Variants in PARD3B observed in about 807,000 individuals in gnomAD.
PARD3B encodes the protein par-3 family cell polarity regulator beta, also known as partitioning defective 3 homolog B.
A neutral mutation model predicts 130.2 loss-of-function variants in PARD3B; 103 were observed. The ratio of observed to expected loss-of-function variants is 0.79; its 90% confidence interval spans 0.67 to 0.93. PARD3B has a LOEUF of 0.93. PARD3B is among the 40% of genes least tolerant of loss of function. The probability of loss-of-function intolerance (pLI) is 0.00; values close to 1 mark genes in which losing one functional copy is unlikely to be tolerated. For synonymous variants in PARD3B, 583 were observed against 553.2 expected, an observed-to-expected ratio of 1.05 and a Z score of -0.76; for missense variants, 1,609 against 1,499.2, an observed-to-expected ratio of 1.07 and a Z score of -1.21.
chr2:204,718,511 G>A (rs1436333621), intron 2 of PARD3B, among the ~76,000 whole-genome samples: 1 of 152,016 alleles, frequency 6.6e-6, no homozygotes, highest in East Asian at 1.9e-4. Context: ...ACAGCATAGG[G>A]GAAACCACCC....
Position 205,357,137 on chromosome 2 carries a change from A to T in PARD3B, c.2631-43876A>T, listed in dbSNP as rs535212398. Among the ~76,000 whole-genome samples, 3 of 152,272 alleles carry T rather than the reference A, an allele frequency of 2.0e-5. No homozygotes were observed. In the South Asian group the frequency reaches 6.2e-4, roughly 32 times the overall value. ...TGTTCACTCATTCATTAATAAAACAAAGTATTGACTACCTGCTATTAATAA... is the reference window on the plus strand; with the variant it reads ...TGTTCACTCATTCATTAATAAAACATAGTATTGACTACCTGCTATTAATAA... On this transcript the variant is annotated intron_variant, in intron 18 of 22. Coordinates refer to ENST00000406610, the MANE Select transcript of PARD3B (RefSeq NM_001302769.2).
At chr2:205,536,365 CCTG>C (rs897261041) in intron 21 of PARD3B, among the ~76,000 whole-genome samples, 32 of 152,150 alleles carry the variant, frequency 2.1e-4, no homozygotes, top group African/African-American at 7.2e-4. Context: ...ATTGCATTCT[CCTG>C]CTCCCACTCA....
intron 11 of PARD3B, among the ~76,000 whole-genome samples, chr2:205,169,950 G>T (rs2035056256): frequency 7.2e-6 from 1 of 139,858 alleles, no homozygotes; most frequent in Non-Finnish European, 1.5e-5. Context: ...TTTTTTTGGA[G>T]ATGGAGTTTC....
intron 2 of PARD3B, among the ~76,000 whole-genome samples, chr2:204,953,418 CACAGAGAGAGAGAG>C (rs61659800): frequency 0.12 from 14,460 of 117,444 alleles, 796 homozygotes; most frequent in African/African-American, 0.17. Context: ...CATACACACA[CACAGAGAGAGAGAG>C]AGAGAGAGAG....
At chr2:205,373,747 G>C (rs1327372710) in intron 18 of PARD3B, among the ~76,000 whole-genome samples, 2 of 152,126 alleles carry the variant, frequency 1.3e-5, no homozygotes, top group African/African-American at 4.8e-5. Flanking sequence ...ATCCGCAACT[G>C]TGATCTTGTT....
intron 22 of PARD3B, among the ~76,000 whole-genome samples, chr2:205,566,676 A>G (rs1205174257): frequency 1.3e-5 from 2 of 152,212 alleles, no homozygotes; most frequent in African/African-American, 2.4e-5. Context: ...GGGAATTGCA[A>G]TGGCTGATCC....
chr2:205,363,314 G>A (rs1434291263), intron 18 of PARD3B, among the ~76,000 whole-genome samples: 2 of 152,124 alleles, frequency 1.3e-5, no homozygotes, highest in Non-Finnish European at 2.9e-5. Flanking sequence ...GAAGCCAAAG[G>A]CCATAGGAGG....
intron 21 of PARD3B, among the ~76,000 whole-genome samples, chr2:205,519,079 T>TA (rs1355695953): frequency 3.3e-5 from 5 of 152,212 alleles, no homozygotes; most frequent in Admixed American, 2.6e-4. Flanking sequence ...ATGATTTTCT[T>TA]ATGTAGAATC....
intron 18 of PARD3B, among the ~76,000 whole-genome samples, chr2:205,394,102 AG>A (rs2045946509): frequency 6.6e-6 from 1 of 152,144 alleles, no homozygotes; most frequent in Non-Finnish European, 1.5e-5. Flanking sequence ...TGTGATGTGT[AG>A]TGGCTGCTCA....
chr2:205,519,989 T>G (rs1490181934), intron 21 of PARD3B, among the ~76,000 whole-genome samples: 1 of 152,126 alleles, frequency 6.6e-6, no homozygotes, highest in Non-Finnish European at 1.5e-5. Context: ...CTCTCAATGC[T>G]CTGAAAGTTT....
chr2:205,207,053 A>G (rs1331578072), intron 15 of PARD3B, among the ~76,000 whole-genome samples: 27 of 145,232 alleles, frequency 1.9e-4, no homozygotes, highest in African/African-American at 6.9e-4. Context: ...AGAACTCAGG[A>G]TTAAGAATCT....
intron 15 of PARD3B, among the ~76,000 whole-genome samples, chr2:205,217,888 A>ATTTTTT (rs1559553094): frequency 2.7e-5 from 2 of 75,078 alleles, no homozygotes; most frequent in Non-Finnish European, 5.1e-5. Flanking sequence ...ATATATATAT[A>ATTTTTT]TATATATTTT....
chr2:204,803,630 TGTC>T (rs747714208), intron 2 of PARD3B, among the ~76,000 whole-genome samples: 1 of 152,194 alleles, frequency 6.6e-6, no homozygotes, highest in Non-Finnish European at 1.5e-5. Context: ...CAACCAGTGT[TGTC>T]GTCAGTTTAA....
chr2:204,617,268 A>C (rs2034144658), intron 1 of PARD3B, among the ~76,000 whole-genome samples: 1 of 152,288 alleles, frequency 6.6e-6, no homozygotes, highest in East Asian at 1.9e-4. Context: ...CTTTAATCTC[A>C]TCTTGATTCT....
intron 16 of PARD3B, among the ~76,000 whole-genome samples, chr2:205,290,352 C>A (rs80181544): frequency 6.6e-6 from 1 of 152,106 alleles, no homozygotes; most frequent in East Asian, 1.9e-4. Context: ...ATTTCTGAGG[C>A]AGCAAAGAAA....
chr2:205,097,912 T>C (rs1036387307), intron 4 of PARD3B, among the ~76,000 whole-genome samples: 1 of 152,030 alleles, frequency 6.6e-6, no homozygotes, highest in Non-Finnish European at 1.5e-5. Flanking sequence ...GGATGGTATC[T>C]TTGAAGTCAA....
At chr2:204,920,234 T>A (rs1299122266) in intron 2 of PARD3B, among the ~76,000 whole-genome samples, 1 of 152,214 alleles carries the variant, frequency 6.6e-6, no homozygotes, top group Non-Finnish European at 1.5e-5. Flanking sequence ...TTAGTAAATG[T>A]ATACACTTTC....
chr2:205,087,268 G>T (rs1415366399), intron 4 of PARD3B, among the ~76,000 whole-genome samples: 1 of 152,044 alleles, frequency 6.6e-6, no homozygotes, highest in African/African-American at 2.4e-5. Context: ...CAAAACACAG[G>T]TTTTTTAAGA....
At chr2:204,971,333 AG>A (rs1691680756) in intron 3 of PARD3B, among the ~76,000 whole-genome samples, 1 of 152,210 alleles carries the variant, frequency 6.6e-6, no homozygotes, top group African/African-American at 2.4e-5. Flanking sequence ...CACACATAGC[AG>A]AACTAAAGCT....
Sources: gnomAD v4.1 joint callset for allele counts (sites outside exome capture counted in the v4.1 genomes callset) on GRCh38, gnomAD v4.1.1 for gene constraint, MANE v1.5 for transcripts, NCBI Gene and HGNC (gene_info 2026-07-23, HGNC 2026-07-21) for gene names.